GXYLT2: variants seen among roughly 807,000 people sequenced by gnomAD.
GXYLT2 encodes the protein glucoside xylosyltransferase 2.
Under a neutral mutation model 45.8 loss-of-function variants are expected in GXYLT2, and 53 were observed. That is an observed-to-expected ratio of 1.16 (90% confidence interval 0.93 to 1.46). GXYLT2 has a LOEUF of 1.46. Among genes scored for constraint, GXYLT2 ranks in the 40% most tolerant of loss-of-function variants. The pLI, the probability that GXYLT2 is intolerant of heterozygous loss-of-function variation, is 0.00. For missense variants in GXYLT2, 551 were observed against 544.4 expected, an observed-to-expected ratio of 1.01 and a Z score of -0.12; for synonymous variants, 219 against 214.2, an observed-to-expected ratio of 1.02 and a Z score of -0.19.
chr3:72,936,150 G>T (rs1016545898), intron 3 of GXYLT2, among the ~76,000 whole-genome samples: 10 of 152,082 alleles, frequency 6.6e-5, no homozygotes, highest in Non-Finnish European at 1.5e-4. Flanking sequence ...AATTAGCCAG[G>T]TGTGGTGGCA....
intron 3 of GXYLT2, among the ~76,000 whole-genome samples, chr3:72,925,022 A>G (rs1709892855): frequency 6.6e-6 from 1 of 152,076 alleles, no homozygotes; most frequent in Non-Finnish European, 1.5e-5. Flanking sequence ...TCGGTCTGGA[A>G]ACACTAACTG....
intron 3 of GXYLT2, among the ~76,000 whole-genome samples, chr3:72,952,602 A>T (rs1022267753): frequency 6.6e-6 from 1 of 152,102 alleles, no homozygotes; most frequent in African/African-American, 2.4e-5. Context: ...TTATTTTCTC[A>T]TGGTTCTGGA....
At chr3:72,888,744 GTACAT>G (rs937872061) in intron 1 of GXYLT2, among the ~76,000 whole-genome samples, 19 of 152,154 alleles carry the variant, frequency 1.2e-4, no homozygotes, top group African/African-American at 4.6e-4. Context: ...AAGTGGTTTC[GTACAT>G]TACATTTTTT....
intron 3 of GXYLT2, among the ~76,000 whole-genome samples, chr3:72,947,106 G>T (rs530365163): frequency 1.3e-5 from 2 of 152,118 alleles, no homozygotes; most frequent in South Asian, 4.2e-4. Context: ...CCCACCTCCT[G>T]CTCCCAAAGT....
intron 3 of GXYLT2, among the ~76,000 whole-genome samples, chr3:72,945,947 CA>C (rs1424871143): frequency 1.3e-5 from 2 of 152,064 alleles, no homozygotes; most frequent in Admixed American, 6.5e-5. Flanking sequence ...ACTAAAGCAT[CA>C]GGGGCAATAC....
Position 72,975,046 on chromosome 3 carries a change from C to CACACTTTA in GXYLT2, c.1220_1227dup (p.Cys410ThrfsTer12). 1 of 1,612,932 alleles carries CACACTTTA rather than the reference C, an allele frequency of 6.2e-7. No homozygotes were observed. Among genetic ancestry groups the CACACTTTA allele is most frequent in the Non-Finnish European group, 8.5e-7 (1 of 1,179,216 alleles). On this transcript the variant is annotated frameshift_variant, in exon 7 of 7. Coordinates refer to ENST00000389617, the MANE Select transcript of GXYLT2 (RefSeq NM_001080393.2). LOFTEE classifies it high-confidence loss of function. ...TCAGCTGAAGTTTTTGGAGACTGTG[C>CACACTTTA]ACACTTTATGTGGACGAATCCCGCA...
At chr3:72,922,434 C>T in intron 3 of GXYLT2, 99 bp downstream of exon 3, 1 of 1,226,974 alleles carries the variant, frequency 8.2e-7, no homozygotes, top group Non-Finnish European at 1.1e-6. Flanking sequence ...CAGCTGAAAA[C>T]CTGTGTCTCT....
At chr3:72,940,572 C>T (rs1437400463) in intron 3 of GXYLT2, among the ~76,000 whole-genome samples, 1 of 152,064 alleles carries the variant, frequency 6.6e-6, no homozygotes, top group Non-Finnish European at 1.5e-5. Flanking sequence ...AGGATAAGGA[C>T]AGGTAAAGAG....
chr3:72,957,683 G>A (rs1710676046), intron 5 of GXYLT2, among the ~76,000 whole-genome samples: 1 of 152,144 alleles, frequency 6.6e-6, no homozygotes, highest in Non-Finnish European at 1.5e-5. Context: ...TATAATCTAG[G>A]CGGGAGACCC....
chr3:72,961,940 G>A (rs1710778425), intron 5 of GXYLT2, among the ~76,000 whole-genome samples: 1 of 152,202 alleles, frequency 6.6e-6, no homozygotes, highest in Non-Finnish European at 1.5e-5. Context: ...GAAGAGAGAA[G>A]AGCTGAAATG....
At chr3:72,951,611 C>G (rs951141333) in intron 3 of GXYLT2, among the ~76,000 whole-genome samples, 5 of 152,086 alleles carry the variant, frequency 3.3e-5, no homozygotes, top group Non-Finnish European at 7.4e-5. Flanking sequence ...ACCAGACTCA[C>G]GATTCTTAAG....
chr3:72,919,837 T>C (rs1275579309), intron 2 of GXYLT2, among the ~76,000 whole-genome samples: 1 of 152,204 alleles, frequency 6.6e-6, no homozygotes, highest in African/African-American at 2.4e-5. Context: ...GTAGTGACAC[T>C]GTTCTGTATA....
intron 3 of GXYLT2, among the ~76,000 whole-genome samples, chr3:72,942,431 A>G (rs1468031343): frequency 1.3e-5 from 2 of 152,188 alleles, no homozygotes; most frequent in Non-Finnish European, 1.5e-5. Context: ...CTACCTGTGA[A>G]TGCTAAAATT....
intron 6 of GXYLT2, among the ~76,000 whole-genome samples, chr3:72,969,916 AAAAAAC>A (rs1480092471): frequency 2.0e-5 from 3 of 149,610 alleles, no homozygotes; most frequent in Non-Finnish European, 3.0e-5. Flanking sequence ...TTTGAAAAAA[AAAAAAC>A]AAAAACATTT....
At chr3:72,944,964 C>T (rs1426383607) in intron 3 of GXYLT2, among the ~76,000 whole-genome samples, 2 of 152,072 alleles carry the variant, frequency 1.3e-5, no homozygotes, top group Non-Finnish European at 2.9e-5. Flanking sequence ...AGTGGTTTTC[C>T]TTCATGAACT....
rs534610021 is a variant in GXYLT2 at position 72,960,159 on chromosome 3, A to AT, written c.976+2813dup. ...AGGCATCCGCCACCATGCCCAGGTA[A>AT]TTTTTTGATCCTCCTGGTGGATCAC... On this transcript the variant is annotated intron_variant, in intron 5 of 6. Transcript: ENST00000389617. Among the ~76,000 whole-genome samples the AT allele has an allele frequency of 1.2e-4, 19 of 152,188 alleles. No individual in the cohort carries two copies. The South Asian group carries it at 3.7e-3, about 30-fold the overall frequency.
chr3:72,975,236 T>C lies in GXYLT2; in HGVS notation c.*77T>C, dbSNP rs1711074155. On this transcript the variant is annotated 3_prime_UTR_variant, in exon 7 of 7. Transcript: ENST00000389617. ...TAATCTCTAAGCTGCCTGGGTCTTTTTGTGTGAATATTTAATGGTGCTCCA... is the reference window on the plus strand; with the variant it reads ...TAATCTCTAAGCTGCCTGGGTCTTTCTGTGTGAATATTTAATGGTGCTCCA... 2 of 1,134,510 alleles carry C rather than the reference T, an allele frequency of 1.8e-6. No individual in the cohort carries two copies. The highest frequency in any genetic ancestry group is 2.5e-6 in the Non-Finnish European group (2 of 808,572). 70.3% of individuals were successfully genotyped at this position (1,134,510 alleles called of 1,614,324 possible).
chr3:72,891,080 G>T (rs565027616), intron 1 of GXYLT2, among the ~76,000 whole-genome samples: 2 of 152,188 alleles, frequency 1.3e-5, no homozygotes, highest in East Asian at 1.9e-4. Context: ...AATTCTGCTT[G>T]GGTTAAATTT....
intron 6 of GXYLT2, among the ~76,000 whole-genome samples, chr3:72,969,927 A>AAAAAC (rs565563001): frequency 0.081 from 11,782 of 145,794 alleles, 942 homozygotes; most frequent in East Asian, 0.34. Context: ...AAAAACAAAA[A>AAAAAC]CATTTAAGGC....
Sources: allele counts gnomAD v4.1 joint callset (sites outside exome capture counted in the v4.1 genomes callset), GRCh38; gene constraint gnomAD v4.1.1; transcripts MANE v1.5; gene names NCBI Gene and HGNC (gene_info 2026-07-23, HGNC 2026-07-21).